Variants in GBE1 observed in about 807,000 individuals in gnomAD.
The protein encoded by GBE1 is 1,4-alpha-glucan-branching enzyme.
A neutral mutation model predicts 88.8 loss-of-function variants in GBE1; 70 were observed. The observed-to-expected ratio is 0.79, with a 90% CI of 0.65 to 0.96. The LOEUF is 0.96. Ranked by LOEUF, GBE1 falls within the 40% of genes least tolerant of loss-of-function variation. The probability of loss-of-function intolerance (pLI) is 0.00; values close to 1 mark genes in which losing one functional copy is unlikely to be tolerated. For missense variants in GBE1, 872 were observed against 871.0 expected (o/e 1.00, Z -0.01); for synonymous variants, 284 against 300.1 (o/e 0.95, Z 0.56).
chr3:81,760,042 A>C (rs1240339456), intron 1 of GBE1, among the ~76,000 whole-genome samples: 1 of 152,154 alleles, frequency 6.6e-6, no homozygotes, highest in Non-Finnish European at 1.5e-5. Flanking sequence ...ATCAAATCCA[A>C]CCTTAAACCT....
At chr3:81,551,975 C>A (rs374886844) in intron 12 of GBE1, among the ~76,000 whole-genome samples, 2 of 152,142 alleles carry the variant, frequency 1.3e-5, no homozygotes, top group East Asian at 1.9e-4. Flanking sequence ...TGGGTCCATA[C>A]CCTCACTCTA....
intron 10 of GBE1, among the ~76,000 whole-genome samples, chr3:81,585,090 T>G (rs1038132801): frequency 6.6e-6 from 1 of 152,082 alleles, no homozygotes; most frequent in Non-Finnish European, 1.5e-5. Flanking sequence ...TCCTTTGTTT[T>G]TATGTTTTCT....
chr3:81,568,233 T>G (rs1363101959), intron 12 of GBE1, among the ~76,000 whole-genome samples: 2 of 152,070 alleles, frequency 1.3e-5, no homozygotes, highest in African/African-American at 4.8e-5. Flanking sequence ...CTGCAACCTC[T>G]GCCTCCCGGG....
At chr3:81,558,323 C>T (rs1202965230) in intron 12 of GBE1, among the ~76,000 whole-genome samples, 1 of 151,800 alleles carries the variant, frequency 6.6e-6, no homozygotes, top group Admixed American at 6.6e-5. Context: ...ATTTTAGCCA[C>T]CCTAAAAAAG....
chr3:81,644,283 A>C (rs1193134004), intron 6 of GBE1, among the ~76,000 whole-genome samples: 1 of 152,178 alleles, frequency 6.6e-6, no homozygotes, highest in African/African-American at 2.4e-5. Context: ...AAGAAAAGCC[A>C]CTGGTGGGGA....
At chr3:81,543,622 C>T (rs1298646700) in intron 12 of GBE1, among the ~76,000 whole-genome samples, 1 of 152,056 alleles carries the variant, frequency 6.6e-6, no homozygotes. Context: ...GAATGTCCTT[C>T]TCAGCTATGG....
In GBE1 at chr3:81,747,667, G is replaced by A. The variant is rs150626861; in HGVS notation, c.143+13708C>T. 4.0e-3 allele frequency among the ~76,000 whole-genome samples: 615 copies of A among 152,246 alleles called. 2 individuals are homozygous for A. The highest frequency in any genetic ancestry group is 0.017 in the Middle Eastern group (5 of 294). ...AAAAGAAGTGAAAAGGCCCTGCCCC[G>A]CCTTAGCTGATGACATTCCACCATT... On this transcript the variant is annotated intron_variant, in intron 1 of 15. Coordinates refer to ENST00000429644, the MANE Select transcript of GBE1 (RefSeq NM_000158.4).
chr3:81,539,092 T>C (rs1181331820), intron 12 of GBE1, among the ~76,000 whole-genome samples: 6 of 152,056 alleles, frequency 3.9e-5, no homozygotes, highest in African/African-American at 1.2e-4. Context: ...GTAATATCAT[T>C]ATTTCAATTT....
intron 1 of GBE1, among the ~76,000 whole-genome samples, chr3:81,726,025 G>A (rs940925219): frequency 1.3e-5 from 2 of 151,234 alleles, no homozygotes; most frequent in African/African-American, 2.4e-5. Flanking sequence ...CTTAATAAAG[G>A]TTACTTAAAC....
chr3:81,563,823 G>C (rs544398567), intron 12 of GBE1, among the ~76,000 whole-genome samples: 23 of 80,870 alleles, frequency 2.8e-4, no homozygotes, highest in Admixed American at 9.6e-4. Flanking sequence ...AATGGAGCTG[G>C]AGAGGTTTAG....
chr3:81,505,824 T>G lies in GBE1; in HGVS notation c.1935-6597A>C, dbSNP rs116872055. Reference sequence around the variant, plus strand: ...TTACTTCTGTGATCTAGAGTACACATTAAACTTAAGCAGTCATCATTAAAA... The same window carrying G: ...TTACTTCTGTGATCTAGAGTACACAGTAAACTTAAGCAGTCATCATTAAAA... On this transcript the variant is annotated intron_variant, in intron 14 of 15. Transcript: ENST00000429644. 3.5e-4 allele frequency among the ~76,000 whole-genome samples: 54 copies of G among 152,188 alleles called. No homozygotes were observed. In the East Asian group the frequency reaches 0.01, roughly 28 times the overall value.
chr3:81,502,534 C>T (rs930479256), intron 14 of GBE1, among the ~76,000 whole-genome samples: 1 of 152,050 alleles, frequency 6.6e-6, no homozygotes, highest in Non-Finnish European at 1.5e-5. Context: ...GAAATTTCTA[C>T]AAATTTAAAC....
At chr3:81,725,950 G>C (rs1202702194) in intron 1 of GBE1, among the ~76,000 whole-genome samples, 2 of 152,110 alleles carry the variant, frequency 1.3e-5, no homozygotes, top group African/African-American at 2.4e-5. Context: ...CCCCAGAGTT[G>C]ATGATGCTCT....
intron 9 of GBE1, among the ~76,000 whole-genome samples, chr3:81,590,121 T>C (rs2106950834): frequency 6.6e-6 from 1 of 152,192 alleles, no homozygotes; most frequent in African/African-American, 2.4e-5. Flanking sequence ...GGTGAAATCA[T>C]ACCATTTATA....
intron 3 of GBE1, among the ~76,000 whole-genome samples, chr3:81,669,853 T>A (rs1396571397): frequency 6.6e-6 from 1 of 152,184 alleles, no homozygotes; most frequent in Non-Finnish European, 1.5e-5. Context: ...TGTGGCAATA[T>A]CTTATTAAAT....
At chr3:81,530,143 C>G (rs1702993610) in intron 14 of GBE1, among the ~76,000 whole-genome samples, 2 of 151,900 alleles carry the variant, frequency 1.3e-5, no homozygotes, top group South Asian at 4.1e-4. Context: ...CTGAATTTTT[C>G]AGCCCCAGAA....
chr3:81,728,998 C>T (rs1415445302), intron 1 of GBE1, among the ~76,000 whole-genome samples: 2 of 151,918 alleles, frequency 1.3e-5, no homozygotes, highest in African/African-American at 4.8e-5. Context: ...GACAGCTACT[C>T]TCTCTGAAAA....
At position 81,585,569 on chromosome 3, in the gene GBE1, T is replaced by C. The variant is rs140254452; in HGVS notation, c.1335+523A>G. On this transcript the variant is annotated intron_variant, in intron 10 of 15. Coordinates refer to ENST00000429644, the MANE Select transcript of GBE1 (RefSeq NM_000158.4). ...TGTCATTAAAGTTAATAAAATTTTA[T>C]TGATAAATGATGTGCAAAGTACCAT... 2.1e-3 allele frequency among the ~76,000 whole-genome samples: 317 copies of C among 152,268 alleles called. 2 individuals are homozygous for C. The highest frequency in any genetic ancestry group is 6.4e-3 in the African/African-American group (266 of 41,548).
At chr3:81,587,771 A>T (rs1198440332) in intron 9 of GBE1, among the ~76,000 whole-genome samples, 1 of 152,184 alleles carries the variant, frequency 6.6e-6, no homozygotes. Context: ...AGGGATTAAA[A>T]GATAAGACAT....
Sources: gnomAD v4.1 joint callset for allele counts (sites outside exome capture counted in the v4.1 genomes callset) on GRCh38, gnomAD v4.1.1 for gene constraint, MANE v1.5 for transcripts, NCBI Gene and HGNC (gene_info 2026-07-23, HGNC 2026-07-21) for gene names.